ITPR2: variants seen among roughly 807,000 people sequenced by gnomAD.
The protein encoded by ITPR2 is inositol 1,4,5-trisphosphate receptor type 2.
A neutral mutation model predicts 317.1 loss-of-function variants in ITPR2; 207 were observed. That is an observed-to-expected ratio of 0.65 (90% confidence interval 0.58 to 0.73). The LOEUF (loss-of-function observed/expected upper bound fraction) is 0.73. ITPR2 is among the 30% of genes least tolerant of loss of function. The pLI is 0.00. For missense variants in ITPR2, 2,613 were observed against 3,284.0 expected (o/e 0.80, Z 4.99); for synonymous variants, 1,156 against 1,149.1 (o/e 1.01, Z -0.12).
chr12:26,700,645 G>C (rs1176693581), intron 9 of ITPR2, among the ~76,000 whole-genome samples: 1 of 152,168 alleles, frequency 6.6e-6, no homozygotes, highest in Non-Finnish European at 1.5e-5. Flanking sequence ...ATGCAAGCTG[G>C]GAAGGAGGGT....
In ITPR2 at chr12:26,790,175, G is replaced by T; in HGVS notation, c.145C>A (p.Pro49Thr). The T allele has an allele frequency of 1.2e-6, 2 of 1,613,192 alleles. No individual in the cohort carries two copies. The highest frequency in any genetic ancestry group is 1.6e-4 in the Middle Eastern group (1 of 6,062). The change falls in exon 2 of 57, where the codon CCT (proline) becomes ACT (threonine). Residue 49 changes from proline (P) to threonine (T), a missense_variant. Coordinates refer to ENST00000381340, the MANE Select transcript of ITPR2 (RefSeq NM_002223.4). ...VHPEAGDLAN[P>T]PKKFRDCLFK... ...TTCTTACCTCTGAACTTCTTGGGAGGGTTGGCAAGGTCCCCGGCCTCTGGG... is the reference window on the plus strand; with the variant it reads ...TTCTTACCTCTGAACTTCTTGGGAGTGTTGGCAAGGTCCCCGGCCTCTGGG...
At chr12:26,779,174 G>A (rs756961981) in intron 2 of ITPR2, among the ~76,000 whole-genome samples, 9 of 152,176 alleles carry the variant, frequency 5.9e-5, no homozygotes, top group Admixed American at 1.3e-4. Flanking sequence ...GCTGTTTGGA[G>A]CCTTTGGCAG....
intron 2 of ITPR2, among the ~76,000 whole-genome samples, chr12:26,780,843 C>G (rs1950062693): frequency 6.6e-6 from 1 of 152,116 alleles, no homozygotes; most frequent in African/African-American, 2.4e-5. Flanking sequence ...GGTCTTAGTT[C>G]CAGAGGAAGG....
At position 26,657,811 on chromosome 12, in the gene ITPR2, AT is replaced by A. The variant is rs1947406454; in HGVS notation, c.2087del (p.Tyr696PhefsTer29). The A allele has an allele frequency of 1.2e-6, 2 of 1,614,048 alleles. No homozygotes were observed. The highest frequency in any genetic ancestry group is 1.7e-6 in the Non-Finnish European group (2 of 1,180,012). On this transcript the variant is annotated frameshift_variant, in exon 18 of 57. Transcript: ENST00000381340. LOFTEE classifies it high-confidence loss of function. ...DDIDDEEVWL[Y>X]WIDSNKEPHG... ...GAGGTTCCTTGTTGCTGTCAATCCAATAGAGCCAAACTTCTTCATCATCAAT... is the reference window on the plus strand; with the variant it reads ...GAGGTTCCTTGTTGCTGTCAATCCAAAGAGCCAAACTTCTTCATCATCAAT...
intron 26 of ITPR2, among the ~76,000 whole-genome samples, chr12:26,618,427 C>T (rs1946417862): frequency 6.6e-6 from 1 of 152,068 alleles, no homozygotes; most frequent in Non-Finnish European, 1.5e-5. Context: ...AGTAAAATGG[C>T]AAATAAACAT....
chr12:26,425,442 G>C (rs1382024469), intron 49 of ITPR2, among the ~76,000 whole-genome samples: 2,004 of 152,218 alleles, frequency 0.013, 40 homozygotes, highest in African/African-American at 0.045. Context: ...GCCAAGGCGG[G>C]TGGATCATGA....
chr12:26,620,536 A>T (rs1946468110), intron 26 of ITPR2, among the ~76,000 whole-genome samples: 1 of 152,234 alleles, frequency 6.6e-6, no homozygotes, highest in Non-Finnish European at 1.5e-5. Flanking sequence ...CTACTAAAGC[A>T]GTATTTAACA....
At chr12:26,715,639 T>C in intron 7 of ITPR2, 113 bp downstream of exon 7, 1 of 779,820 alleles carries the variant, frequency 1.3e-6, no homozygotes, top group East Asian at 2.5e-5. Flanking sequence ...TATTAACATG[T>C]GTAGTCACAT....
intron 52 of ITPR2, among the ~76,000 whole-genome samples, chr12:26,410,629 T>C (rs1020974462): frequency 1.3e-5 from 2 of 152,210 alleles, no homozygotes; most frequent in Admixed American, 6.5e-5. Flanking sequence ...TTTTTGTATA[T>C]GACAACCCTT....
chr12:26,572,292 C>T (rs987255133), intron 34 of ITPR2, among the ~76,000 whole-genome samples: 2 of 152,056 alleles, frequency 1.3e-5, no homozygotes, highest in African/African-American at 2.4e-5. Flanking sequence ...GCAGACCAGG[C>T]CAGAATGAAG....
At chr12:26,486,576 G>T (rs577800266) in intron 40 of ITPR2, among the ~76,000 whole-genome samples, 68 of 152,174 alleles carry the variant, frequency 4.5e-4, no homozygotes, top group Middle Eastern at 3.4e-3. Flanking sequence ...AATTTTAAAA[G>T]CACTCATGTC....
At chr12:26,570,839 A>G (rs1345838446) in intron 34 of ITPR2, among the ~76,000 whole-genome samples, 2 of 152,306 alleles carry the variant, frequency 1.3e-5, no homozygotes, top group Admixed American at 6.5e-5. Context: ...AAGTGCATTA[A>G]AAAAATTCGC....
chr12:26,562,023 C>T, intron 34 of ITPR2, 71 bp from the exon 35 acceptor site: 1 of 1,049,420 alleles, frequency 9.5e-7, no homozygotes, highest in Non-Finnish European at 1.3e-6. Flanking sequence ...TCCATACAAT[C>T]TTATAAACAT....
intron 33 of ITPR2, among the ~76,000 whole-genome samples, chr12:26,579,178 T>C (rs1008773869): frequency 6.6e-6 from 1 of 152,158 alleles, no homozygotes; most frequent in Admixed American, 6.5e-5. Context: ...GGTTGGTTTG[T>C]TTTGGTTTCA....
intron 52 of ITPR2, among the ~76,000 whole-genome samples, chr12:26,404,755 T>C (rs1056282904): frequency 6.6e-6 from 1 of 152,078 alleles, no homozygotes; most frequent in Non-Finnish European, 1.5e-5. Flanking sequence ...GAACAGATGA[T>C]GACAAGGAAA....
chr12:26,832,621 G>C, intron 1 of ITPR2, 69 bp downstream of exon 1: 1 of 1,225,214 alleles, frequency 8.2e-7, no homozygotes, highest in South Asian at 1.3e-5. Flanking sequence ...CCGGGCGGCG[G>C]AGGAGGGACA....
chr12:26,446,407 T>C (rs986671589), intron 45 of ITPR2, among the ~76,000 whole-genome samples: 29 of 152,100 alleles, frequency 1.9e-4, no homozygotes, highest in African/African-American at 6.8e-4. Context: ...CTGGAACTCT[T>C]TAAATCTTAC....
chr12:26,625,888 C>A (rs929611213), intron 23 of ITPR2, among the ~76,000 whole-genome samples: 5 of 151,984 alleles, frequency 3.3e-5, no homozygotes, highest in Non-Finnish European at 7.4e-5. Flanking sequence ...CTACGTGAAC[C>A]AATCATGATT....
At chr12:26,365,798 G>A (rs1453438975) in intron 55 of ITPR2, among the ~76,000 whole-genome samples, 3 of 152,208 alleles carry the variant, frequency 2.0e-5, no homozygotes, top group Admixed American at 6.5e-5. Flanking sequence ...AAACACAAAA[G>A]CCAATGAGCG....
Sources: gnomAD v4.1 joint callset for allele counts (sites outside exome capture counted in the v4.1 genomes callset) on GRCh38, gnomAD v4.1.1 for gene constraint, MANE v1.5 for transcripts, NCBI Gene and HGNC (gene_info 2026-07-23, HGNC 2026-07-21) for gene names.